The following RNF152 variants were observed in gnomAD, a reference collection of about 807,000 sequenced individuals.
The protein encoded by RNF152 is ring finger protein 152.
A neutral mutation model predicts 12.7 loss-of-function variants in RNF152; 11 were observed. That is an observed-to-expected ratio of 0.86 (90% CI 0.54 to 1.43). The LOEUF is 1.43. Among genes scored for constraint, RNF152 ranks in the 40% most tolerant of loss-of-function variants. The pLI is 0.00. For missense variants in RNF152, 255 were observed against 274.8 expected (o/e 0.93, Z 0.51); for synonymous variants, 113 against 120.3 (o/e 0.94, Z 0.40).
chr18:61,818,739 G>A (rs750694175), intron 1 of RNF152, among the ~76,000 whole-genome samples: 1 of 152,108 alleles, frequency 6.6e-6, no homozygotes, highest in Non-Finnish European at 1.5e-5. Context: ...CTTAAACCTA[G>A]GTAAGAAGGA....
intron 1 of RNF152, among the ~76,000 whole-genome samples, chr18:61,852,310 T>G (rs982619908): frequency 1.3e-5 from 2 of 152,236 alleles, no homozygotes; most frequent in African/African-American, 2.4e-5. Context: ...ACTACTGCTT[T>G]TTTAAAAACC....
intron 1 of RNF152, among the ~76,000 whole-genome samples, chr18:61,818,714 T>C (rs1304057288): frequency 1.3e-5 from 2 of 152,352 alleles, no homozygotes; most frequent in African/African-American, 4.8e-5. Flanking sequence ...AGACCCAGAT[T>C]CTACCCGAAA....
In RNF152 at chr18:61,815,912, G is replaced by A; in HGVS notation, c.552C>T (p.Gly184=). The change falls in exon 2 of 2, where the codon GGC becomes GGT. Residue 184 remains glycine (G), a synonymous_variant. Coordinates refer to ENST00000312828, the MANE Select transcript of RNF152 (RefSeq NM_173557.3). The part of the protein sequence containing the change: ...LVACVLVFLL[G]IVLHNMSCIS... ...TGCAAGACATGTTGTGAAGCACGAT[G>A]CCGAGGAGGAAGACCAAGACGCAAG... 6.2e-7 allele frequency: 1 copy of A among 1,614,212 alleles called. No homozygotes were observed. Among genetic ancestry groups the A allele is most frequent in the African/African-American group, 1.3e-5 (1 of 75,062 alleles).
chr18:61,884,392 G>C (rs544667650), intron 1 of RNF152, among the ~76,000 whole-genome samples: 2 of 151,064 alleles, frequency 1.3e-5, no homozygotes, highest in Non-Finnish European at 2.9e-5. Context: ...CAAGAATTGA[G>C]AGAATATCAG....
At chr18:61,820,403 CA>C (rs34498934) in intron 1 of RNF152, among the ~76,000 whole-genome samples, 104 of 117,198 alleles carry the variant, frequency 8.9e-4, no homozygotes, top group African/African-American at 3.2e-3. Context: ...CAAGGTAATA[CA>C]TTTTTTTTTC....
At chr18:61,832,841 AT>A (rs1377145093) in intron 1 of RNF152, among the ~76,000 whole-genome samples, 2 of 152,220 alleles carry the variant, frequency 1.3e-5, no homozygotes, top group African/African-American at 4.8e-5. Flanking sequence ...CCAAATAGTA[AT>A]TAGATGACAA....
intron 1 of RNF152, among the ~76,000 whole-genome samples, chr18:61,845,901 T>TTC (rs2144683644): frequency 6.7e-6 from 1 of 150,062 alleles, no homozygotes; most frequent in African/African-American, 2.4e-5. Flanking sequence ...GTGAAGGTAT[T>TTC]AACAGGTGGG....
chr18:61,839,617 T>C (rs1038970532), intron 1 of RNF152, among the ~76,000 whole-genome samples: 3 of 152,154 alleles, frequency 2.0e-5, no homozygotes, highest in East Asian at 1.9e-4. Context: ...TTTTGTGGGC[T>C]GGGCACGGTG....
rs1040606173 is a variant in RNF152, at chr18:61,813,415, C to A, written c.*2437G>T. 2 of 151,742 alleles carry A rather than the reference C, an allele frequency of 1.3e-5. No individual in the cohort carries two copies. Among genetic ancestry groups the A allele is most frequent in the African/African-American group, 4.8e-5 (2 of 41,284 alleles). 9.4% of individuals were successfully genotyped at this position (151,742 alleles called of 1,614,324 possible). A position where few individuals can be genotyped will look rare whatever the true frequency, so the allele number is the denominator to read the frequency against. On this transcript the variant is annotated 3_prime_UTR_variant, in exon 2 of 2. Transcript: ENST00000312828. ...ATGTTTCTTAGGTCAGTAAGACTCA[C>A]AAAAAAAATCTGATTTTGGTTGTTG...
intron 1 of RNF152, among the ~76,000 whole-genome samples, chr18:61,848,997 G>A (rs1910851378): frequency 6.6e-6 from 1 of 152,124 alleles, no homozygotes; most frequent in Non-Finnish European, 1.5e-5. Flanking sequence ...GCCCAGGGGA[G>A]AACAGGGAAG....
chr18:61,872,040 T>G (rs1449655594), intron 1 of RNF152, among the ~76,000 whole-genome samples: 1 of 152,174 alleles, frequency 6.6e-6, no homozygotes, highest in Non-Finnish European at 1.5e-5. Flanking sequence ...ACAGTAAGCA[T>G]GATGTTGGCA....
At chr18:61,887,372 G>T (rs1912747462) in intron 1 of RNF152, among the ~76,000 whole-genome samples, 1 of 151,130 alleles carries the variant, frequency 6.6e-6, no homozygotes, top group African/African-American at 2.4e-5. Context: ...AGATGCGGCA[G>T]TGGCAACTGT....
At chr18:61,874,732 T>A (rs1001054494) in intron 1 of RNF152, among the ~76,000 whole-genome samples, 1 of 152,244 alleles carries the variant, frequency 6.6e-6, no homozygotes, top group African/African-American at 2.4e-5. Context: ...TTTTGTTAAT[T>A]TAACTACTTG....
chr18:61,889,591 G>T (rs1427383548), intron 1 of RNF152, among the ~76,000 whole-genome samples: 1 of 152,188 alleles, frequency 6.6e-6, no homozygotes, highest in Admixed American at 6.5e-5. Context: ...GCTGATGGAA[G>T]CACAAATGTC....
chr18:61,874,424 C>A (rs1014916192), intron 1 of RNF152, among the ~76,000 whole-genome samples: 1 of 152,202 alleles, frequency 6.6e-6, no homozygotes, highest in East Asian at 1.9e-4. Context: ...GATGAAAGAG[C>A]CCTCAATCAA....
chr18:61,823,031 G>C (rs545865693), intron 1 of RNF152, among the ~76,000 whole-genome samples: 2 of 152,350 alleles, frequency 1.3e-5, no homozygotes, highest in East Asian at 3.9e-4. Flanking sequence ...TTAGTGGCAA[G>C]AATGGGAATG....
intron 1 of RNF152, among the ~76,000 whole-genome samples, chr18:61,818,109 A>C (rs549360729): frequency 6.6e-6 from 1 of 152,342 alleles, no homozygotes; most frequent in South Asian, 2.1e-4. Context: ...ATGTGTTAAC[A>C]ATCAAAATTA....
At position 61,851,924 on chromosome 18, in the gene RNF152, C is replaced by T. The variant is rs138966910; in HGVS notation, c.-135-35326G>A. Among the ~76,000 whole-genome samples the T allele has an allele frequency of 7.4e-3, 1,128 of 152,274 alleles. 5 individuals carry two copies. The highest frequency in any genetic ancestry group is 0.034 in the East Asian group (178 of 5,184). ...CCTAGAAGTCTCATTGAAAATATAA[C>T]GACATCTGCACAGTACCTTGTGGCT... On this transcript the variant is annotated intron_variant, in intron 1 of 1. Transcript: ENST00000312828.
At chr18:61,864,824 G>T (rs1911656359) in intron 1 of RNF152, among the ~76,000 whole-genome samples, 1 of 152,164 alleles carries the variant, frequency 6.6e-6, no homozygotes, top group African/African-American at 2.4e-5. Context: ...TCTGAGACCA[G>T]CCTGGCTAAC....
Sources: gnomAD v4.1 joint callset for allele counts (sites outside exome capture counted in the v4.1 genomes callset) on GRCh38, gnomAD v4.1.1 for gene constraint, MANE v1.5 for transcripts, NCBI Gene and HGNC (gene_info 2026-07-23, HGNC 2026-07-21) for gene names.